ME1: variants seen among roughly 807,000 people sequenced by gnomAD.
ME1 encodes NADP-dependent malic enzyme.
ME1 carries 74 observed loss-of-function variants against 66.4 expected under a neutral mutation model. The ratio of observed to expected loss-of-function variants is 1.11; its 90% CI spans 0.92 to 1.35. ME1 has a LOEUF of 1.35. ME1 is among the 40% of genes most tolerant of loss of function. The pLI is 0.00. For synonymous variants in ME1, 251 were observed against 235.6 expected, an observed-to-expected ratio of 1.07 and a Z score of -0.60; for missense variants, 750 against 694.1, an observed-to-expected ratio of 1.08 and a Z score of -0.90.
chr6:83,234,678 C>A (rs536134712), intron 9 of ME1, among the ~76,000 whole-genome samples: 2 of 152,282 alleles, frequency 1.3e-5, no homozygotes, highest in East Asian at 3.9e-4. Flanking sequence ...ATTGCAACAG[C>A]TTTGTAACTA....
chr6:83,352,556 A>G (rs1280201239), intron 3 of ME1, among the ~76,000 whole-genome samples: 3 of 152,138 alleles, frequency 2.0e-5, no homozygotes, highest in Non-Finnish European at 4.4e-5. Context: ...TATGCCACCT[A>G]ATCCATTTTC....
intron 5 of ME1, among the ~76,000 whole-genome samples, chr6:83,330,122 A>G (rs1210120089): frequency 6.6e-6 from 1 of 152,154 alleles, no homozygotes; most frequent in Admixed American, 6.5e-5. Flanking sequence ...GCCTAGTCTA[A>G]TATTCTCTTA....
intron 3 of ME1, among the ~76,000 whole-genome samples, chr6:83,364,393 T>A (rs1350595996): frequency 7.0e-6 from 1 of 142,832 alleles, no homozygotes; most frequent in African/African-American, 2.5e-5. Context: ...TAAACTCCCC[T>A]ATATATATAT....
chr6:83,221,392 T>A (rs1034882380), intron 12 of ME1, among the ~76,000 whole-genome samples: 6 of 152,172 alleles, frequency 3.9e-5, no homozygotes, highest in Non-Finnish European at 8.8e-5. Context: ...CATTGGAGAA[T>A]AATTCTCAGG....
chr6:83,286,517 C>T (rs1339921562), intron 6 of ME1, among the ~76,000 whole-genome samples: 1 of 152,064 alleles, frequency 6.6e-6, no homozygotes, highest in Non-Finnish European at 1.5e-5. Context: ...AGTATTCATT[C>T]TTACACTTAA....
Position 83,427,226 on chromosome 6 carries a change from A to T in ME1, c.78+3651T>A, listed in dbSNP as rs557877405. On this transcript the variant is annotated intron_variant, in intron 1 of 13. Coordinates refer to ENST00000369705, the MANE Select transcript of ME1 (RefSeq NM_002395.6). Reference sequence around the variant, plus strand: ...TTACTTCCCCAATTGTTTTGATGAAATCCTACCTTGAATGATGCATATTTT... The same window carrying T: ...TTACTTCCCCAATTGTTTTGATGAATTCCTACCTTGAATGATGCATATTTT... Among the ~76,000 whole-genome samples, 784 of 152,358 alleles carry T rather than the reference A, an allele frequency of 5.1e-3. 8 individuals carry two copies. Among genetic ancestry groups the T allele is most frequent in the African/African-American group, 0.018 (750 of 41,580 alleles).
chr6:83,405,963 C>T (rs1159819923), intron 2 of ME1, among the ~76,000 whole-genome samples: 6 of 152,058 alleles, frequency 3.9e-5, no homozygotes, highest in South Asian at 2.1e-4. Flanking sequence ...ACTCGTGATC[C>T]GCCCACCTCG....
At chr6:83,228,064 T>A (rs1790232319) in intron 10 of ME1, among the ~76,000 whole-genome samples, 1 of 152,252 alleles carries the variant, frequency 6.6e-6, no homozygotes, top group African/African-American at 2.4e-5. Flanking sequence ...GTTATCATCA[T>A]TATTTTCAAC....
intron 3 of ME1, among the ~76,000 whole-genome samples, chr6:83,369,960 T>C (rs1769166272): frequency 6.6e-6 from 1 of 152,074 alleles, no homozygotes; most frequent in Non-Finnish European, 1.5e-5. Context: ...TAGGGGTTCC[T>C]TTAGGAAAGG....
At chr6:83,213,051 G>A (rs1023448415) in intron 13 of ME1, among the ~76,000 whole-genome samples, 1 of 66,116 alleles carries the variant, frequency 1.5e-5, no homozygotes, top group Non-Finnish European at 2.8e-5. Context: ...TTTTTTTTTT[G>A]AGATGGAGTC....
intron 6 of ME1, among the ~76,000 whole-genome samples, chr6:83,273,968 T>TTCAC (rs1767131167): frequency 6.6e-6 from 1 of 152,188 alleles, no homozygotes. Context: ...TCTTGCTTGA[T>TTCAC]TCACTATGTT....
chr6:83,215,836 T>C (rs1180242), intron 13 of ME1, among the ~76,000 whole-genome samples: 94,347 of 152,142 alleles, frequency 0.62, 31,762 homozygotes, highest in African/African-American at 0.91. Flanking sequence ...GGCTTGAATA[T>C]TTAAAAACAG....
intron 5 of ME1, among the ~76,000 whole-genome samples, chr6:83,339,814 C>T (rs1202100254): frequency 2.0e-5 from 2 of 102,512 alleles, no homozygotes; most frequent in Non-Finnish European, 3.8e-5. Flanking sequence ...ACTCTGGGGA[C>T]TGTGGTGGGG....
chr6:83,357,969 A>C, intron 3 of ME1, among the ~76,000 whole-genome samples: 1 of 113,934 alleles, frequency 8.8e-6, no homozygotes, highest in Non-Finnish European at 1.8e-5. Flanking sequence ...ATATATATAT[A>C]TATATTTCAT....
At chr6:83,213,057 G>A (rs1241808291) in intron 13 of ME1, among the ~76,000 whole-genome samples, 1 of 143,340 alleles carries the variant, frequency 7.0e-6, no homozygotes, top group South Asian at 2.2e-4. Flanking sequence ...TTTTGAGATG[G>A]AGTCTTACTC....
At chr6:83,284,316 A>C (rs1160228430) in intron 6 of ME1, among the ~76,000 whole-genome samples, 1 of 152,166 alleles carries the variant, frequency 6.6e-6, no homozygotes, top group Non-Finnish European at 1.5e-5. Context: ...AGATGTACAA[A>C]GAAAAGCTGG....
At chr6:83,301,339 T>TC (rs1491249677) in intron 6 of ME1, among the ~76,000 whole-genome samples, 71 of 79,422 alleles carry the variant, frequency 8.9e-4, no homozygotes, top group African/African-American at 2.9e-3. Context: ...TCTCTCTCTC[T>TC]TTCTTTCTTT....
intron 3 of ME1, among the ~76,000 whole-genome samples, chr6:83,394,542 C>T (rs1343409608): frequency 6.6e-6 from 1 of 152,064 alleles, no homozygotes; most frequent in Non-Finnish European, 1.5e-5. Flanking sequence ...TTTCTTTATA[C>T]AAAGGGTAAT....
intron 6 of ME1, among the ~76,000 whole-genome samples, chr6:83,290,809 A>G (rs1023810203): frequency 4.6e-5 from 7 of 152,132 alleles, no homozygotes. Flanking sequence ...GTGCTCCTGT[A>G]TTGGGTGCAT....
Sources: allele counts gnomAD v4.1 joint callset (sites outside exome capture counted in the v4.1 genomes callset), GRCh38; gene constraint gnomAD v4.1.1; transcripts MANE v1.5; gene names NCBI Gene and HGNC (gene_info 2026-07-23, HGNC 2026-07-21).